The following FGF14 variants were observed in gnomAD, a reference collection of about 807,000 sequenced individuals.
FGF14 encodes fibroblast growth factor 14, also known as fibroblast growth factor homologous factor 4.
A neutral mutation model predicts 25.5 loss-of-function variants in FGF14; 5 were observed. The observed-to-expected ratio is 0.20, with a 90% CI of 0.10 to 0.41. The LOEUF (loss-of-function observed/expected upper bound fraction) is 0.41. FGF14 is among the 10% of genes least tolerant of loss of function. The pLI, the probability that FGF14 is intolerant of heterozygous loss-of-function variation, is 1.00. For missense variants in FGF14, 222 were observed against 320.1 expected (o/e 0.69, Z 2.34); for synonymous variants, 138 against 118.3 (o/e 1.17, Z -1.08).
intron 1 of FGF14, among the ~76,000 whole-genome samples, chr13:102,142,506 T>C (rs1293223216): frequency 6.6e-6 from 1 of 152,178 alleles, no homozygotes; most frequent in African/African-American, 2.4e-5. Flanking sequence ...TAGGTTTTGA[T>C]AACTTCCTTG....
rs139662153 is a variant in FGF14 at position 101,774,276 on chromosome 13, C to G, written c.409-47466G>C. On this transcript the variant is annotated intron_variant, in intron 3 of 4. Coordinates refer to ENST00000376143, the MANE Select transcript of FGF14 (RefSeq NM_004115.4). The stretch of plus-strand genomic sequence containing the variant: ...AGAGGAGCAGATGGTGACCACTGTC[C>G]AGGCAGATGTGTCTCAATGTAAGGA... 6.3e-3 allele frequency among the ~76,000 whole-genome samples: 951 copies of G among 152,114 alleles called. 4 individuals are homozygous for G. The highest frequency in any genetic ancestry group is 8.1e-3 in the Non-Finnish European group (554 of 67,998).
intron 1 of FGF14, among the ~76,000 whole-genome samples, chr13:102,162,399 G>A (rs925504288): frequency 7.2e-5 from 11 of 152,120 alleles, no homozygotes; most frequent in African/African-American, 2.4e-4. Context: ...GAAGCCCACA[G>A]AGCAAATTTC....
intron 1 of FGF14, among the ~76,000 whole-genome samples, chr13:101,983,483 G>A (rs1396832361): frequency 6.6e-6 from 1 of 152,130 alleles, no homozygotes; most frequent in Non-Finnish European, 1.5e-5. Flanking sequence ...GAATAGGAAT[G>A]CAATAAGTCA....
chr13:101,966,937 G>T (rs552637496), intron 1 of FGF14, among the ~76,000 whole-genome samples: 1 of 152,146 alleles, frequency 6.6e-6, no homozygotes, highest in Non-Finnish European at 1.5e-5. Flanking sequence ...GAATGCCTAA[G>T]AATATTACTC....
chr13:102,192,398 C>G (rs1007735568), intron 1 of FGF14, among the ~76,000 whole-genome samples: 25 of 152,218 alleles, frequency 1.6e-4, no homozygotes, highest in African/African-American at 5.3e-4. Flanking sequence ...TTACCACGAT[C>G]TCTTTATCAA....
chr13:101,870,975 AATAC>A (rs202103201), intron 2 of FGF14, among the ~76,000 whole-genome samples: 277 of 150,490 alleles, frequency 1.8e-3, no homozygotes, highest in Middle Eastern at 3.4e-3. Context: ...TAAATAAATA[AATAC>A]ATACATACAT....
intron 1 of FGF14, among the ~76,000 whole-genome samples, chr13:101,911,567 C>T (rs1330801597): frequency 6.6e-6 from 1 of 152,116 alleles, no homozygotes; most frequent in African/African-American, 2.4e-5. Context: ...AATTAAGCCA[C>T]AGGAGGAAAA....
intron 1 of FGF14, among the ~76,000 whole-genome samples, chr13:102,016,775 C>T (rs767792361): frequency 2.6e-5 from 4 of 152,118 alleles, no homozygotes; most frequent in Non-Finnish European, 5.9e-5. Flanking sequence ...TATGAGCCAC[C>T]AAGCACAGCA....
At chr13:102,032,053 T>C (rs991518613) in intron 1 of FGF14, among the ~76,000 whole-genome samples, 1 of 152,098 alleles carries the variant, frequency 6.6e-6, no homozygotes, top group Non-Finnish European at 1.5e-5. Context: ...GTGAGAAATA[T>C]GCTGCTCTTG....
At chr13:102,381,989 A>G (rs2058193846) in intron 1 of FGF14, among the ~76,000 whole-genome samples, 1 of 152,210 alleles carries the variant, frequency 6.6e-6, no homozygotes, top group Non-Finnish European at 1.5e-5. Context: ...CATCTACTAA[A>G]TTAAGTCAAA....
intron 1 of FGF14, among the ~76,000 whole-genome samples, chr13:102,339,267 T>G (rs1410628938): frequency 6.6e-6 from 1 of 151,714 alleles, no homozygotes; most frequent in African/African-American, 2.4e-5. Flanking sequence ...AAAAGATAGA[T>G]TCAAGGAAAT....
chr13:101,715,790 A>G lies in FGF14; in HGVS notation c.*7041T>C. 3 of 565,534 alleles carry G rather than the reference A, an allele frequency of 5.3e-6. No individual in the cohort carries two copies. Among genetic ancestry groups the G allele is most frequent in the Non-Finnish European group, 9.6e-6 (3 of 312,158 alleles). 35.0% of individuals were successfully genotyped at this position (565,534 alleles called of 1,614,324 possible). On this transcript the variant is annotated 3_prime_UTR_variant, in exon 5 of 5. Coordinates refer to ENST00000376143, the MANE Select transcript of FGF14 (RefSeq NM_004115.4). ...ATGTTTTTCTATTTCTGAATTACGA[A>G]TGAAATCCGAGTACCTATTAGAAAT...
intron 2 of FGF14, among the ~76,000 whole-genome samples, chr13:101,873,182 A>G (rs988023834): frequency 6.6e-6 from 1 of 152,164 alleles, no homozygotes; most frequent in African/African-American, 2.4e-5. Flanking sequence ...TGCTTATTCA[A>G]TTCTGAAGCA....
intron 1 of FGF14, among the ~76,000 whole-genome samples, chr13:102,317,236 T>C (rs985983539): frequency 2.0e-5 from 3 of 152,178 alleles, no homozygotes; most frequent in Non-Finnish European, 1.5e-5. Flanking sequence ...GTAAGATTCT[T>C]AAGACCTTTT....
intron 1 of FGF14, chr13:102,293,653 A>G (rs2054544915): frequency 6.6e-6 from 1 of 152,228 alleles, no homozygotes; most frequent in South Asian, 2.1e-4. Flanking sequence ...GGTATCTATA[A>G]TGTGGTACTG....
upstream of FGF14, among the ~76,000 whole-genome samples, chr13:101,919,549 CAGG>C (rs1229124928): frequency 6.6e-6 from 1 of 151,774 alleles, no homozygotes; most frequent in Non-Finnish European, 1.5e-5. Context: ...ACTTGGGGGT[CAGG>C]AGGTCAGTTT....
chr13:101,877,348 T>C (rs539073254), intron 1 of FGF14, among the ~76,000 whole-genome samples: 1 of 152,352 alleles, frequency 6.6e-6, no homozygotes, highest in South Asian at 2.1e-4. Flanking sequence ...CCATTGATTC[T>C]ATTCTTCTCA....
At chr13:102,273,519 G>C (rs115962500) in intron 1 of FGF14, among the ~76,000 whole-genome samples, 345 of 152,198 alleles carry the variant, frequency 2.3e-3, no homozygotes, top group African/African-American at 7.6e-3. Context: ...AGTGAATTTT[G>C]TGATCTAAAG....
chr13:102,307,375 A>G (rs1413412371), intron 1 of FGF14, among the ~76,000 whole-genome samples: 1 of 152,168 alleles, frequency 6.6e-6, no homozygotes, highest in African/African-American at 2.4e-5. Flanking sequence ...GTACTGCTTT[A>G]TGCCACCAAA....
Sources: allele counts gnomAD v4.1 joint callset (sites outside exome capture counted in the v4.1 genomes callset), GRCh38; gene constraint gnomAD v4.1.1; transcripts MANE v1.5; gene names NCBI Gene and HGNC (gene_info 2026-07-23, HGNC 2026-07-21).